Variants in PLCE1 observed in about 807,000 individuals in gnomAD.
PLCE1 encodes the protein 1-phosphatidylinositol 4,5-bisphosphate phosphodiesterase epsilon-1.
Under a neutral mutation model 242.8 loss-of-function variants are expected in PLCE1, and 119 were observed. The ratio of observed to expected loss-of-function variants is 0.49; its 90% CI spans 0.42 to 0.57. PLCE1 has a LOEUF of 0.57. PLCE1 is among the 20% of genes least tolerant of loss of function. PLCE1 has a pLI of 0.00. For missense variants in PLCE1, 2,441 were observed against 2,788.8 expected, an observed-to-expected ratio of 0.88 and a Z score of 2.81; for synonymous variants, 945 against 1,017.4, an observed-to-expected ratio of 0.93 and a Z score of 1.35.
intron 2 of PLCE1, among the ~76,000 whole-genome samples, chr10:94,087,721 G>T (rs1388519536): frequency 6.6e-6 from 1 of 152,106 alleles, no homozygotes; most frequent in Non-Finnish European, 1.5e-5. Flanking sequence ...GGGATTACAG[G>T]CATGAGCCAC....
At chr10:94,037,113 C>T (rs967095845) in intron 2 of PLCE1, among the ~76,000 whole-genome samples, 5 of 152,190 alleles carry the variant, frequency 3.3e-5, no homozygotes, top group African/African-American at 1.2e-4. Flanking sequence ...CTGCTTTCTT[C>T]CTTTTAAAAG....
chr10:94,035,020 T>C lies in PLCE1; in HGVS notation c.1206+2768T>C, dbSNP rs1327138707. On this transcript the variant is annotated intron_variant, in intron 2 of 32. Transcript: ENST00000371380. ...GTGTCTAAGGATGTGTTTCTGTGTC[T>C]CTTGACCTGATTCCACATGAAACCT... Among the ~76,000 whole-genome samples, 4 of 152,128 alleles carry C rather than the reference T, an allele frequency of 2.6e-5. No homozygotes were observed. In the East Asian group the frequency reaches 7.7e-4, roughly 29 times the overall value.
rs1415983816 is a variant in PLCE1, at chr10:94,298,425, T to C, written c.5214T>C (p.Pro1738=). ...IRQTWEESSS[P]LNPTTSLSAI... ...AGACCTGGGAGGAATCTTCTTCCCC[T>C]CTCAACCCAACCACGTCCCTCAGTG... The change falls in exon 24 of 33, where the codon CCT becomes CCC. Residue 1738 remains proline (P), a synonymous_variant. Transcript: ENST00000371380. The surrounding 1 kb of genome is among the most constrained non-coding windows in gnomAD (Gnocchi z 5.2). 1 of 1,614,136 alleles carries C rather than the reference T, an allele frequency of 6.2e-7. No homozygotes were observed. The highest frequency in any genetic ancestry group is 2.2e-5 in the East Asian group (1 of 44,886).
chr10:94,255,258 A>C (rs1007117264), intron 11 of PLCE1, among the ~76,000 whole-genome samples: 4 of 152,232 alleles, frequency 2.6e-5, no homozygotes, highest in African/African-American at 9.6e-5. Context: ...GGTCAGTAGC[A>C]GTAACAAAAC....
chr10:94,014,471 G>T (rs1736651649), intron 1 of PLCE1, among the ~76,000 whole-genome samples: 1 of 151,436 alleles, frequency 6.6e-6, no homozygotes, highest in African/African-American at 2.4e-5. Context: ...TGGGTGTGGT[G>T]GTGCATGTCT....
intron 32 of PLCE1, 171 bp downstream of exon 32, chr10:94,325,275 T>C: frequency 1.7e-6 from 1 of 603,692 alleles, no homozygotes; most frequent in South Asian, 1.9e-5. Flanking sequence ...ATGTGTAACA[T>C]GATATGCTAT....
intron 4 of PLCE1, among the ~76,000 whole-genome samples, chr10:94,202,817 G>C (rs2797999): frequency 0.69 from 104,368 of 152,048 alleles, 37,261 homozygotes; most frequent in South Asian, 0.81. Flanking sequence ...GCAGCTACTT[G>C]AACCTCAGGG....
chr10:94,202,217 A>G (rs898117548), intron 4 of PLCE1, among the ~76,000 whole-genome samples: 1 of 152,232 alleles, frequency 6.6e-6, no homozygotes, highest in African/African-American at 2.4e-5. Flanking sequence ...ATCTAGCTCC[A>G]TCAGTCAAGA....
intron 14 of PLCE1, 61 bp from the exon 15 acceptor site, chr10:94,265,586 T>G (rs1406799616): frequency 4.4e-6 from 6 of 1,372,942 alleles, no homozygotes; most frequent in Non-Finnish European, 6.2e-6. Flanking sequence ...GATGTGGTGG[T>G]TTCTTTCCCC....
chr10:94,235,062 TCACACACACACACACA>T (rs3222767), intron 6 of PLCE1, among the ~76,000 whole-genome samples: 7 of 135,438 alleles, frequency 5.2e-5, no homozygotes, highest in African/African-American at 2.0e-4. Context: ...TACTGACCTT[TCACACACACACACACA>T]CACACACACA....
At chr10:94,268,874 C>G (rs1053165873) in intron 16 of PLCE1, 55 bp from the exon 17 acceptor site, 1 of 982,486 alleles carries the variant, frequency 1.0e-6, no homozygotes, top group Non-Finnish European at 1.6e-6. Context: ...GGGTTTAGTT[C>G]GAGGCTTTAT....
intron 4 of PLCE1, among the ~76,000 whole-genome samples, chr10:94,182,299 G>T (rs1326954393): frequency 6.6e-6 from 1 of 151,868 alleles, no homozygotes; most frequent in East Asian, 1.9e-4. Flanking sequence ...GACAGAGTCT[G>T]ACTGTCACCC....
intron 2 of PLCE1, among the ~76,000 whole-genome samples, chr10:94,109,755 C>A (rs893663556): frequency 3.7e-4 from 56 of 152,120 alleles, no homozygotes; most frequent in Non-Finnish European, 1.3e-4. Flanking sequence ...ATATTAAAGA[C>A]ATAGCAGTTT....
At chr10:94,174,849 G>GA (rs1743400500) in intron 4 of PLCE1, among the ~76,000 whole-genome samples, 1 of 152,086 alleles carries the variant, frequency 6.6e-6, no homozygotes, top group Admixed American at 6.5e-5. Context: ...CCATGGACTA[G>GA]AAAAAGACAT....
Position 94,298,419 on chromosome 10 carries a change from T to G in PLCE1, c.5208T>G (p.Ser1736=), listed in dbSNP as rs200877364. 5.4e-5 allele frequency: 87 copies of G among 1,613,980 alleles called. No homozygotes were observed. The South Asian group carries it at 9.4e-4, about 18-fold the overall frequency. ...EGIRQTWEES[S]SPLNPTTSLS... ...TTCGACAGACCTGGGAGGAATCTTC[T>G]TCCCCTCTCAACCCAACCACGTCCC... is the stretch of plus-strand genomic sequence containing the variant. Residue 1736 remains serine (S), a synonymous_variant, in exon 24 of 33, where the codon TCT becomes TCG. Transcript: ENST00000371380. The surrounding 1 kb of genome is among the most constrained non-coding windows in gnomAD (Gnocchi z 5.2).
chr10:94,272,053 G>A (rs550124011), intron 18 of PLCE1, among the ~76,000 whole-genome samples: 3 of 152,172 alleles, frequency 2.0e-5, no homozygotes, highest in Non-Finnish European at 2.9e-5. Context: ...TACGTTCAGC[G>A]GTGTACGTAT....
intron 3 of PLCE1, among the ~76,000 whole-genome samples, chr10:94,136,419 A>G (rs1281109591): frequency 1.3e-5 from 2 of 152,230 alleles, no homozygotes; most frequent in Non-Finnish European, 2.9e-5. Flanking sequence ...TATCATAAGA[A>G]GAAATAATTG....
rs1033117243 is a variant in PLCE1, at chr10:94,329,303, G to A, written c.*1360G>A. The stretch of plus-strand genomic sequence containing the variant: ...ATTATGAATTTTAAAAATGAAATAT[G>A]TATTCCTCTAAAACCCAAACTTTTA... On this transcript the variant is annotated 3_prime_UTR_variant, in exon 33 of 33. Coordinates refer to ENST00000371380, the MANE Select transcript of PLCE1 (RefSeq NM_016341.4). 3.3e-5 allele frequency: 5 copies of A among 152,144 alleles called. No individual in the cohort carries two copies. Among genetic ancestry groups the A allele is most frequent in the Non-Finnish European group, 7.3e-5 (5 of 68,034 alleles). The allele number at this position is 152,144 out of a possible 1,614,324, so 9.4% of individuals were successfully genotyped here.
chr10:94,113,138 A>G (rs762013330), intron 2 of PLCE1, among the ~76,000 whole-genome samples: 5 of 152,176 alleles, frequency 3.3e-5, no homozygotes, highest in Non-Finnish European at 7.3e-5. Context: ...TTAAATGGGT[A>G]TGAGACTTAA....
Sources: allele counts gnomAD v4.1 joint callset (sites outside exome capture counted in the v4.1 genomes callset), GRCh38; gene constraint gnomAD v4.1.1; non-coding constraint Gnocchi (gnomAD v3.1); transcripts MANE v1.5; gene names NCBI Gene and HGNC (gene_info 2026-07-23, HGNC 2026-07-21).